Variants in ZBTB20 observed in about 807,000 individuals in gnomAD.
The protein encoded by ZBTB20 is zinc finger and BTB domain containing 20.
In ZBTB20, 9 loss-of-function variants were observed where a neutral mutation model predicts 56.9. The observed-to-expected ratio is 0.16, with a 90% CI of 0.10 to 0.28. The LOEUF (loss-of-function observed/expected upper bound fraction) is 0.28. Ranked by LOEUF, ZBTB20 falls within the 10% of genes least tolerant of loss-of-function variation. The pLI, the probability that ZBTB20 is intolerant of heterozygous loss-of-function variation, is 1.00. For missense variants in ZBTB20, 655 were observed against 1,003.0 expected (o/e 0.65, Z 4.69); for synonymous variants, 417 against 420.7 (o/e 0.99, Z 0.11).
chr3:114,839,175 C>A (rs112417929), intron 4 of ZBTB20, among the ~76,000 whole-genome samples: 2,488 of 152,100 alleles, frequency 0.016, 74 homozygotes, highest in African/African-American at 0.056. Context: ...CCAAAGTGGG[C>A]AGATTGTTTG....
intron 10 of ZBTB20, among the ~76,000 whole-genome samples, chr3:114,378,709 G>A (rs570194354): frequency 2.0e-5 from 3 of 152,322 alleles, no homozygotes; most frequent in African/African-American, 4.8e-5. Context: ...CCACAGGAAC[G>A]GGCTATTTTC....
At chr3:114,631,328 G>T (rs1206524373) in intron 6 of ZBTB20, among the ~76,000 whole-genome samples, 1 of 129,048 alleles carries the variant, frequency 7.7e-6, no homozygotes, top group Non-Finnish European at 1.6e-5. Context: ...ACTCATATTT[G>T]CTTCTTCTAT....
chr3:114,719,872 A>G (rs1017778708), intron 5 of ZBTB20, among the ~76,000 whole-genome samples: 1 of 152,058 alleles, frequency 6.6e-6, no homozygotes, highest in Admixed American at 6.6e-5. Flanking sequence ...TATGTCAAAT[A>G]TCAGATCAGT....
Position 114,657,801 on chromosome 3 carries a change from T to G in ZBTB20, c.-295+35727A>C, listed in dbSNP as rs546945353. 8.2e-5 allele frequency among the ~76,000 whole-genome samples: 12 copies of G among 145,468 alleles called. No individual in the cohort carries two copies. The East Asian group carries it at 9.8e-4, about 12-fold the overall frequency. ...CCGGTGCCTTCAAATAATTGTGGTG[T>G]TTTTTTTTTAAGTTTTTAATTGGAG... On this transcript the variant is annotated intron_variant, in intron 6 of 11. Transcript: ENST00000675478.
At chr3:114,706,863 C>T (rs756162297) in intron 5 of ZBTB20, among the ~76,000 whole-genome samples, 15 of 151,718 alleles carry the variant, frequency 9.9e-5, no homozygotes, top group African/African-American at 2.7e-4. Context: ...GATCAAATGA[C>T]GAGAGTAGTT....
chr3:114,581,717 A>G (rs1323842796), intron 6 of ZBTB20, among the ~76,000 whole-genome samples: 1 of 151,990 alleles, frequency 6.6e-6, no homozygotes, highest in African/African-American at 2.4e-5. Context: ...AGTTAATGAG[A>G]TATTATTCAA....
chr3:114,544,157 A>G (rs1223860823), intron 6 of ZBTB20, among the ~76,000 whole-genome samples: 2 of 152,232 alleles, frequency 1.3e-5, no homozygotes, highest in African/African-American at 4.8e-5. Flanking sequence ...GATAAATTAA[A>G]TATAAAGCAG....
At chr3:115,062,425 T>TA (rs1190128247) in intron 2 of ZBTB20, among the ~76,000 whole-genome samples, 2 of 152,146 alleles carry the variant, frequency 1.3e-5, no homozygotes, top group African/African-American at 4.8e-5. Flanking sequence ...TGTCCTTGGT[T>TA]AAAAGAAAAA....
intron 6 of ZBTB20, among the ~76,000 whole-genome samples, chr3:114,677,782 A>ATATCATTTCATTTAC (rs1265044947): frequency 6.6e-6 from 1 of 152,148 alleles, no homozygotes; most frequent in Non-Finnish European, 1.5e-5. Context: ...TAATGATTTA[A>ATATCATTTCATTTAC]TATCATTTCA....
chr3:115,033,889 A>G (rs2080806735), intron 2 of ZBTB20, among the ~76,000 whole-genome samples: 1 of 151,788 alleles, frequency 6.6e-6, no homozygotes. Flanking sequence ...TAGCATATTA[A>G]AAGGATTTTA....
intron 10 of ZBTB20, among the ~76,000 whole-genome samples, chr3:114,376,264 C>T (rs901096651): frequency 3.3e-5 from 5 of 152,144 alleles, no homozygotes; most frequent in Non-Finnish European, 5.9e-5. Context: ...TTTCCACATA[C>T]GTGGATAAAA....
chr3:114,991,790 G>A (rs1479856914), intron 2 of ZBTB20, among the ~76,000 whole-genome samples: 1 of 152,076 alleles, frequency 6.6e-6, no homozygotes, highest in Non-Finnish European at 1.5e-5. Flanking sequence ...GGGTGCTCCT[G>A]TATTGGGTGC....
intron 7 of ZBTB20, among the ~76,000 whole-genome samples, chr3:114,488,933 T>G (rs2036988): frequency 0.027 from 4,099 of 152,220 alleles, 88 homozygotes; most frequent in South Asian, 0.05. Context: ...TATTACAATG[T>G]TAAGTGAAAA....
intron 3 of ZBTB20, chr3:114,930,897 G>T: frequency 4.4e-6 from 1 of 225,758 alleles, no homozygotes. Context: ...GTAGAGTCCA[G>T]TTGATAGCAG....
Position 114,350,978 on chromosome 3 carries a change from T to C in ZBTB20, c.1100A>G (p.Glu367Gly). The C allele has an allele frequency of 6.2e-7, 1 of 1,608,500 alleles. No individual in the cohort carries two copies. Among genetic ancestry groups the C allele is most frequent in the Non-Finnish European group, 8.5e-7 (1 of 1,179,890 alleles). Residue 367 changes from glutamate (E) to glycine (G), a missense_variant, in exon 11 of 12, where the codon GAG becomes GGG. Glu to Gly is a moderately conservative substitution (Grantham distance 98). Around this residue, in one of 10 missense-constraint regions of ZBTB20, gnomAD observed 156 missense variants for 181.0 expected, o/e 0.86. Coordinates refer to ENST00000675478, the MANE Select transcript of ZBTB20 (RefSeq NM_001348800.3). ...GAAGCTTTCACCTTTGGGCTCACTC[T>C]CGGTGCCCTCGGCCTGGTCTGTGTC... Reference protein sequence around the residue: ...TEDTDQAEGTESEPKGESFDS... With the variant: ...TEDTDQAEGTGSEPKGESFDS...
chr3:114,351,598 G>C lies in ZBTB20; in HGVS notation c.480C>G (p.Ser160Arg), dbSNP rs2080681614. 1 of 1,614,116 alleles carries C rather than the reference G, an allele frequency of 6.2e-7. No individual in the cohort carries two copies. Among genetic ancestry groups the C allele is most frequent in the Non-Finnish European group, 8.5e-7 (1 of 1,180,032 alleles). Residue 160 changes from serine (S) to arginine (R), a missense_variant, in exon 11 of 12, where the codon AGC becomes AGG. Ser to Arg is a moderately radical substitution (Grantham distance 110). Around this residue, in one of 10 missense-constraint regions of ZBTB20, gnomAD observed 167 missense variants for 281.9 expected, o/e 0.59. Coordinates refer to ENST00000675478, the MANE Select transcript of ZBTB20 (RefSeq NM_001348800.3). ...CCGACTGCGAGACCCGTAGCACGCC[G>C]CTGTACATGAAGTCAATGAGCTTTT... ...SVQKLIDFMYSGVLRVSQSEA... is the reference protein window; with the variant it reads ...SVQKLIDFMYRGVLRVSQSEA...
chr3:114,377,097 C>G (rs1294722104), intron 10 of ZBTB20, among the ~76,000 whole-genome samples: 1 of 152,184 alleles, frequency 6.6e-6, no homozygotes, highest in East Asian at 1.9e-4. Context: ...GAGCACTTGG[C>G]TCAGCTCATA....
At chr3:114,604,618 T>G (rs926400443) in intron 6 of ZBTB20, among the ~76,000 whole-genome samples, 2 of 151,992 alleles carry the variant, frequency 1.3e-5, no homozygotes, top group Non-Finnish European at 2.9e-5. Context: ...GTTCCTGAGC[T>G]CCATAAATTT....
intron 3 of ZBTB20, chr3:114,930,850 GA>G: frequency 1.1e-5 from 3 of 282,620 alleles, no homozygotes; most frequent in Admixed American, 3.7e-5. Flanking sequence ...TGTTGCAGCA[GA>G]AAAGGGTGGG....
Sources: allele counts gnomAD v4.1 joint callset (sites outside exome capture counted in the v4.1 genomes callset), GRCh38; gene constraint gnomAD v4.1.1; regional missense constraint gnomAD v4.1.1; transcripts MANE v1.5; gene names NCBI Gene and HGNC (gene_info 2026-07-23, HGNC 2026-07-21).